POU2F1: variants seen among roughly 807,000 people sequenced by gnomAD.
POU2F1 encodes the protein POU domain, class 2, transcription factor 1.
POU2F1 carries 16 observed loss-of-function variants against 84.9 expected under a neutral mutation model. The observed-to-expected ratio is 0.19, with a 90% CI of 0.13 to 0.29. The LOEUF is 0.29. Ranked by LOEUF, POU2F1 falls within the 10% of genes least tolerant of loss-of-function variation. The pLI, the probability that POU2F1 is intolerant of heterozygous loss-of-function variation, is 1.00. For missense variants in POU2F1, 738 were observed against 942.6 expected (o/e 0.78, Z 2.84); for synonymous variants, 368 against 368.3 (o/e 1.00, Z 0.01).
chr1:167,303,018 A>T (rs775713907), intron 1 of POU2F1, among the ~76,000 whole-genome samples: 2 of 152,210 alleles, frequency 1.3e-5, no homozygotes, highest in Non-Finnish European at 2.9e-5. Context: ...TTTTTTCAGA[A>T]TACATCCATA....
At chr1:167,299,695 G>GTTTTTTGTTTTTT (rs1553204500) in intron 1 of POU2F1, among the ~76,000 whole-genome samples, 2 of 139,346 alleles carry the variant, frequency 1.4e-5, no homozygotes, top group African/African-American at 5.6e-5. Context: ...GGAGACCAGA[G>GTTTTTTGTTTTTT]TTTTTTTTTT....
At chr1:167,344,791 T>A (rs111314518) in intron 2 of POU2F1, among the ~76,000 whole-genome samples, 4,756 of 152,144 alleles carry the variant, frequency 0.031, 119 homozygotes, top group African/African-American at 0.075. Context: ...TAGAAGGGCC[T>A]CCTAGTGAAG....
At chr1:167,383,094 C>T (rs1176190697) in intron 7 of POU2F1, among the ~76,000 whole-genome samples, 1 of 152,142 alleles carries the variant, frequency 6.6e-6, no homozygotes, top group Non-Finnish European at 1.5e-5. Context: ...TACCATTGCT[C>T]TTATCACAGC....
chr1:167,332,606 A>G (rs1298866345), intron 2 of POU2F1, 71 bp downstream of exon 2: 3 of 1,302,942 alleles, frequency 2.3e-6, no homozygotes, highest in Non-Finnish European at 3.3e-6. Context: ...CCATGTAACT[A>G]GGACTTGTAT....
At chr1:167,259,287 C>T (rs1317001791) in intron 1 of POU2F1, among the ~76,000 whole-genome samples, 2 of 152,120 alleles carry the variant, frequency 1.3e-5, no homozygotes, top group Non-Finnish European at 2.9e-5. Flanking sequence ...GGGAGACCAT[C>T]CCAGATTTGA....
intron 8 of POU2F1, among the ~76,000 whole-genome samples, chr1:167,385,268 G>A (rs1647883073): frequency 6.6e-6 from 1 of 152,084 alleles, no homozygotes; most frequent in African/African-American, 2.4e-5. Flanking sequence ...TTCCCAAATT[G>A]ACCTCTAGAT....
In POU2F1 at chr1:167,277,458, A is replaced by G. The variant is rs192740802; in HGVS notation, c.62-55012A>G. Among the ~76,000 whole-genome samples, 15 of 151,878 alleles carry G rather than the reference A, an allele frequency of 9.9e-5. No individual in the cohort carries two copies. The East Asian group carries it at 2.9e-3, about 29-fold the overall frequency. ...ATTGAATCTGTTCAGAATGTCTGGG[A>G]ACTAACTCCATTTTTACGTGTCAAC... On this transcript the variant is annotated intron_variant, in intron 1 of 15. Coordinates refer to ENST00000367866, the MANE Select transcript of POU2F1 (RefSeq NM_002697.4).
At chr1:167,296,519 A>G (rs1426205080) in intron 1 of POU2F1, among the ~76,000 whole-genome samples, 1 of 152,120 alleles carries the variant, frequency 6.6e-6, no homozygotes, top group African/African-American at 2.4e-5. Context: ...ACAGCGTTGC[A>G]CTCCATTATT....
At chr1:167,282,735 G>C (rs2102505792) in intron 1 of POU2F1, among the ~76,000 whole-genome samples, 1 of 152,088 alleles carries the variant, frequency 6.6e-6, no homozygotes, top group East Asian at 1.9e-4. Flanking sequence ...CTACTTCTCA[G>C]GGAAGCCTGC....
At chr1:167,282,861 T>G (rs1653253950) in intron 1 of POU2F1, among the ~76,000 whole-genome samples, 1 of 152,242 alleles carries the variant, frequency 6.6e-6, no homozygotes, top group South Asian at 2.1e-4. Context: ...GTTAAAACTT[T>G]AGCTTCACTC....
intron 2 of POU2F1, among the ~76,000 whole-genome samples, chr1:167,353,828 T>A (rs937898878): frequency 2.0e-4 from 30 of 152,364 alleles, no homozygotes; most frequent in African/African-American, 6.3e-4. Context: ...AGTAGAATGT[T>A]ACCATTCCTC....
At chr1:167,238,902 T>A (rs1459928277) in intron 1 of POU2F1, among the ~76,000 whole-genome samples, 1 of 152,216 alleles carries the variant, frequency 6.6e-6, no homozygotes, top group African/African-American at 2.4e-5. Flanking sequence ...GCTACTCAGA[T>A]GGGTGGCTAG....
chr1:167,372,921 GTTTT>G (rs1557935932), intron 5 of POU2F1, among the ~76,000 whole-genome samples: 1 of 106,626 alleles, frequency 9.4e-6, no homozygotes, highest in Non-Finnish European at 1.9e-5. Flanking sequence ...ATTTCCTAGG[GTTTT>G]TTGTTTTCTT....
At position 167,423,217 on chromosome 1, in the gene POU2F1, G is replaced by C. The variant is rs1372645697; in HGVS notation, c.*7407G>C. 1 of 152,132 alleles carries C rather than the reference G, an allele frequency of 6.6e-6. No homozygotes were observed. The highest frequency in any genetic ancestry group is 1.5e-5 in the Non-Finnish European group (1 of 68,004). The allele number at this position is 152,132 out of a possible 1,614,324, so 9.4% of individuals were successfully genotyped here. On this transcript the variant is annotated 3_prime_UTR_variant, in exon 16 of 16. Transcript: ENST00000367866. Reference sequence around the variant, plus strand: ...TCCCTTACTCTCCTATAAATGTTTTGTTCCAAATGTTTTTATATATGGGCT... The same window carrying C: ...TCCCTTACTCTCCTATAAATGTTTTCTTCCAAATGTTTTTATATATGGGCT...
Position 167,332,479 on chromosome 1 carries a change from T to C in POU2F1, c.71T>C (p.Met24Thr). The C allele has an allele frequency of 1.2e-6, 2 of 1,609,886 alleles. No individual in the cohort carries two copies. The highest frequency in any genetic ancestry group is 1.7e-6 in the Non-Finnish European group (2 of 1,176,318). ...AAAAAAADSR[M>T]NNPSETSKPS... is the part of the protein sequence containing the mutation. ...CTCTGATTTATTGCAGACTCAAGAA[T>C]GAACAATCCGTCAGAAACCAGTAAA... The change falls in exon 2 of 16, where the codon ATG becomes ACG. Residue 24 changes from methionine (M) to threonine (T), a missense_variant. Met to Thr is a moderately conservative substitution (Grantham distance 81, BLOSUM62 -1). Coordinates refer to ENST00000367866, the MANE Select transcript of POU2F1 (RefSeq NM_002697.4).
chr1:167,277,999 A>G (rs1391785968), intron 1 of POU2F1, among the ~76,000 whole-genome samples: 1 of 152,154 alleles, frequency 6.6e-6, no homozygotes, highest in African/African-American at 2.4e-5. Flanking sequence ...TGTACACTGA[A>G]GCTAGGGTAC....
chr1:167,422,984 A>G lies in POU2F1; in HGVS notation c.*7174A>G, dbSNP rs1006959467. 3 of 152,208 alleles carry G rather than the reference A, an allele frequency of 2.0e-5. No individual in the cohort carries two copies. Among genetic ancestry groups the G allele is most frequent in the Admixed American group, 6.5e-5 (1 of 15,276 alleles). The allele number at this position is 152,208 out of a possible 1,614,324, so 9.4% of individuals were successfully genotyped here. On this transcript the variant is annotated 3_prime_UTR_variant, in exon 16 of 16. Transcript: ENST00000367866. ...AAGATGGATAGTTGCTCAATCTAGCAGTGATGTTCTTGGAATTGCTGAGAA... is the reference window on the plus strand; with the variant it reads ...AAGATGGATAGTTGCTCAATCTAGCGGTGATGTTCTTGGAATTGCTGAGAA...
chr1:167,296,193 A>G (rs1654280625), intron 1 of POU2F1, among the ~76,000 whole-genome samples: 1 of 152,160 alleles, frequency 6.6e-6, no homozygotes, highest in African/African-American at 2.4e-5. Flanking sequence ...CTCAGGCCAA[A>G]TGGAGAGATG....
chr1:167,264,341 G>C (rs1310750049), intron 1 of POU2F1, among the ~76,000 whole-genome samples: 1 of 152,094 alleles, frequency 6.6e-6, no homozygotes, highest in African/African-American at 2.4e-5. Context: ...AGAGTGAGCA[G>C]TATGCACCAA....
Sources: allele counts gnomAD v4.1 joint callset (sites outside exome capture counted in the v4.1 genomes callset), GRCh38; gene constraint gnomAD v4.1.1; transcripts MANE v1.5; gene names NCBI Gene and HGNC (gene_info 2026-07-23, HGNC 2026-07-21).